CAB39L: variants seen among roughly 807,000 people sequenced by gnomAD.
CAB39L encodes the protein calcium-binding protein 39-like.
In CAB39L, 23 loss-of-function variants were observed where a neutral mutation model predicts 39.1. The ratio of observed to expected loss-of-function variants is 0.59; its 90% confidence interval spans 0.42 to 0.83. The LOEUF is 0.83. CAB39L is among the 40% of genes least tolerant of loss of function. The probability of loss-of-function intolerance (pLI) is 0.00; values close to 1 mark genes in which losing one functional copy is unlikely to be tolerated. For synonymous variants in CAB39L, 126 were observed against 137.2 expected (o/e 0.92, Z 0.57); for missense variants, 366 against 391.9 (o/e 0.93, Z 0.56).
rs56314282 is a variant in CAB39L, at chr13:49,440,715, A to AGTGTGTGTGT, written c.-246+3261_-246+3270dup. On this transcript the variant is annotated intron_variant, in intron 1 of 10. Transcript: ENST00000409308. ...TCCTTGGTTAGAGGTATTCCTAGGCAGTGTGTGTGTGTGTGTGTGTGTGTG... is the reference window on the plus strand; with the variant it reads ...TCCTTGGTTAGAGGTATTCCTAGGCAGTGTGTGTGTGTGTGTGTGTGTGTGTGTGTGTGTG... Among the ~76,000 whole-genome samples the AGTGTGTGTGT allele has an allele frequency of 2.9e-3, 393 of 135,532 alleles. 3 individuals are homozygous for AGTGTGTGTGT. Among genetic ancestry groups the AGTGTGTGTGT allele is most frequent in the African/African-American group, 6.5e-3 (242 of 37,364 alleles). The allele number at this position is 135,532 out of a possible 152,430, so 88.9% of individuals were successfully genotyped here. A position where few individuals can be genotyped will look rare whatever the true frequency, so the allele number is the denominator to read the frequency against.
At position 49,349,228 on chromosome 13, in the gene CAB39L, C is replaced by T. The variant is rs182487563; in HGVS notation, c.564+1516G>A. Among the ~76,000 whole-genome samples, 244 of 151,712 alleles carry T rather than the reference C, an allele frequency of 1.6e-3. 1 individual carries two copies. Among genetic ancestry groups the T allele is most frequent in the South Asian group, 0.012 (56 of 4,802 alleles). ...TTCAATCACTGTTCATAAAGTAATA[C>T]GATTGGAGTATGTATTAATATTAGT... On this transcript the variant is annotated intron_variant, in intron 7 of 10. Coordinates refer to ENST00000409308, the MANE Select transcript of CAB39L (RefSeq NM_001079670.3).
At chr13:49,427,249 T>C (rs777024875) in intron 3 of CAB39L, among the ~76,000 whole-genome samples, 16 of 152,192 alleles carry the variant, frequency 1.1e-4, no homozygotes, top group Non-Finnish European at 2.1e-4. Flanking sequence ...CATTTTCCTT[T>C]AAGCCCTTCC....
intron 8 of CAB39L, among the ~76,000 whole-genome samples, chr13:49,341,332 C>A (rs1193400035): frequency 6.6e-6 from 1 of 151,966 alleles, no homozygotes; most frequent in Admixed American, 6.6e-5. Flanking sequence ...CAGCTCACTG[C>A]AACCTCCGCC....
intron 10 of CAB39L, among the ~76,000 whole-genome samples, chr13:49,316,066 C>A (rs909324827): frequency 6.6e-6 from 1 of 151,474 alleles, no homozygotes; most frequent in African/African-American, 2.4e-5. Context: ...ATCAATGAAC[C>A]CAAAAGTTGG....
chr13:49,310,758 C>G lies in CAB39L; in HGVS notation c.*56G>C. The G allele has an allele frequency of 6.5e-7, 1 of 1,539,012 alleles. No individual in the cohort carries two copies. The highest frequency in any genetic ancestry group is 8.8e-7 in the Non-Finnish European group (1 of 1,133,830). On this transcript the variant is annotated 3_prime_UTR_variant, in exon 11 of 11. Transcript: ENST00000409308. ...AGAATGATGACTTTCTGAAATGACA[C>G]ACTGTACAAACTGGACAAATGAGAC... is the stretch of plus-strand genomic sequence containing the variant.
intron 3 of CAB39L, among the ~76,000 whole-genome samples, chr13:49,423,510 G>T (rs536568478): frequency 7.2e-5 from 11 of 152,186 alleles, no homozygotes; most frequent in African/African-American, 2.6e-4. Flanking sequence ...TTGAGGCCAG[G>T]AGTTCCAGAG....
intron 3 of CAB39L, among the ~76,000 whole-genome samples, chr13:49,408,498 C>T (rs1258343274): frequency 2.0e-5 from 3 of 151,992 alleles, no homozygotes; most frequent in African/African-American, 7.3e-5. Flanking sequence ...AAAAAGAGAG[C>T]CAAGGACAAA....
chr13:49,384,205 G>A (rs911684741), intron 3 of CAB39L, among the ~76,000 whole-genome samples: 4 of 152,126 alleles, frequency 2.6e-5, no homozygotes, highest in South Asian at 4.2e-4. Flanking sequence ...ATCTTCAGCA[G>A]GAGTAGATTC....
At chr13:49,433,086 G>A (rs1377600929) in intron 3 of CAB39L, among the ~76,000 whole-genome samples, 2 of 152,084 alleles carry the variant, frequency 1.3e-5, no homozygotes, top group Non-Finnish European at 2.9e-5. Flanking sequence ...TCATGTTAAA[G>A]GATATTTTTT....
chr13:49,423,852 AAAGTT>A (rs1957207724), intron 3 of CAB39L, among the ~76,000 whole-genome samples: 2 of 152,228 alleles, frequency 1.3e-5, no homozygotes, highest in Non-Finnish European at 2.9e-5. Flanking sequence ...TAGACCTAGA[AAAGTT>A]AAGGAATTTA....
intron 1 of CAB39L, among the ~76,000 whole-genome samples, chr13:49,434,442 C>CT (rs1594101671): frequency 1.3e-5 from 2 of 152,170 alleles, no homozygotes; most frequent in East Asian, 3.9e-4. Context: ...AACACAAACT[C>CT]TATTATGTTA....
intron 7 of CAB39L, among the ~76,000 whole-genome samples, chr13:49,347,657 G>T (rs1955218082): frequency 6.6e-6 from 1 of 152,006 alleles, no homozygotes; most frequent in Non-Finnish European, 1.5e-5. Flanking sequence ...TCTTCATGTT[G>T]GATGCAACCG....
At chr13:49,320,727 C>T (rs1012657005) in intron 10 of CAB39L, among the ~76,000 whole-genome samples, 2 of 152,132 alleles carry the variant, frequency 1.3e-5, no homozygotes, top group Non-Finnish European at 1.5e-5. Flanking sequence ...CCCACCCCAT[C>T]GAAGTGTCAA....
In CAB39L at chr13:49,395,910, C is replaced by T. The variant is rs540906439; in HGVS notation, c.-31-12969G>A. On this transcript the variant is annotated intron_variant, in intron 3 of 10. Transcript: ENST00000409308. ...GAGCATTAAATGCCCTTGTTGTTAT[C>T]CCACTTAAAATATTTCAAAGGGAAA... Among the ~76,000 whole-genome samples the T allele has an allele frequency of 1.9e-3, 294 of 151,946 alleles. 1 individual carries two copies. Among genetic ancestry groups the T allele is most frequent in the Middle Eastern group, 0.01 (3 of 294 alleles).
intron 3 of CAB39L, among the ~76,000 whole-genome samples, chr13:49,391,605 T>C (rs1434431866): frequency 6.6e-6 from 1 of 152,192 alleles, no homozygotes; most frequent in Non-Finnish European, 1.5e-5. Flanking sequence ...ATAAAATTTA[T>C]ATGGGTTTGT....
chr13:49,412,006 T>TA (rs1485609946), intron 3 of CAB39L, among the ~76,000 whole-genome samples: 2 of 152,154 alleles, frequency 1.3e-5, no homozygotes, highest in Non-Finnish European at 2.9e-5. Context: ...CTCTTCCCTG[T>TA]ATGTAAACTC....
At chr13:49,443,827 C>T (rs959355194) in intron 1 of CAB39L, among the ~76,000 whole-genome samples, 159 bp downstream of exon 1, 1 of 152,188 alleles carries the variant, frequency 6.6e-6, no homozygotes, top group Non-Finnish European at 1.5e-5. Flanking sequence ...GAAACCCATC[C>T]TTTCCGCAAG....
At chr13:49,331,000 C>A (rs966829962) in intron 10 of CAB39L, among the ~76,000 whole-genome samples, 4 of 152,062 alleles carry the variant, frequency 2.6e-5, no homozygotes, top group African/African-American at 9.7e-5. Flanking sequence ...TATGGTATAG[C>A]ATTAAGTAAT....
At chr13:49,389,305 A>G (rs773112827) in intron 3 of CAB39L, among the ~76,000 whole-genome samples, 10 of 152,230 alleles carry the variant, frequency 6.6e-5, no homozygotes, top group Non-Finnish European at 1.5e-4. Flanking sequence ...TAGCCAAGAC[A>G]TGGAACCAAC....
Sources: allele counts gnomAD v4.1 joint callset (sites outside exome capture counted in the v4.1 genomes callset), GRCh38; gene constraint gnomAD v4.1.1; transcripts MANE v1.5; gene names NCBI Gene and HGNC (gene_info 2026-07-23, HGNC 2026-07-21).